VPS13B: variants seen among roughly 807,000 people sequenced by gnomAD.
The protein encoded by VPS13B is intermembrane lipid transfer protein VPS13B.
A neutral mutation model predicts 426.4 loss-of-function variants in VPS13B; 285 were observed. The ratio of observed to expected loss-of-function variants is 0.67; its 90% CI spans 0.61 to 0.74. The LOEUF (loss-of-function observed/expected upper bound fraction) is 0.74, where lower values mean the gene tolerates loss of function less well. Ranked by LOEUF, VPS13B falls within the 30% of genes least tolerant of loss-of-function variation. The pLI is 0.00. For synonymous variants in VPS13B, 1,676 were observed against 1,676.4 expected, an observed-to-expected ratio of 1.00 and a Z score of 0.01; for missense variants, 4,537 against 4,782.6, an observed-to-expected ratio of 0.95 and a Z score of 1.51.
intron 57 of VPS13B, 129 bp downstream of exon 57, chr8:99,859,609 A>G: frequency 8.0e-7 from 1 of 1,246,026 alleles, no homozygotes; most frequent in South Asian, 1.3e-5. Context: ...GCTTGCAGTG[A>G]GAGTTTGGGT....
chr8:99,201,889 A>G (rs1327724891), intron 17 of VPS13B, among the ~76,000 whole-genome samples: 1 of 152,190 alleles, frequency 6.6e-6, no homozygotes, highest in Non-Finnish European at 1.5e-5. Flanking sequence ...TATATGACTA[A>G]ATAAAGGTCA....
At chr8:99,078,329 T>A (rs1845250955) in intron 3 of VPS13B, among the ~76,000 whole-genome samples, 1 of 151,606 alleles carries the variant, frequency 6.6e-6, no homozygotes, top group Non-Finnish European at 1.5e-5. Context: ...ACTTTTTTTC[T>A]TATAGATGCA....
At chr8:99,744,867 GT>G (rs1158680956) in intron 39 of VPS13B, among the ~76,000 whole-genome samples, 1 of 151,914 alleles carries the variant, frequency 6.6e-6, no homozygotes, top group Non-Finnish European at 1.5e-5. Context: ...TACACCCAAT[GT>G]TAAATGACGA....
chr8:99,289,523 A>G (rs1414328436), intron 19 of VPS13B, among the ~76,000 whole-genome samples: 1 of 152,130 alleles, frequency 6.6e-6, no homozygotes, highest in Non-Finnish European at 1.5e-5. Flanking sequence ...TTTCCTTGAG[A>G]TAGCTGGATG....
intron 17 of VPS13B, among the ~76,000 whole-genome samples, chr8:99,241,876 T>C (rs1357808935): frequency 1.3e-5 from 2 of 152,200 alleles, no homozygotes; most frequent in African/African-American, 4.8e-5. Flanking sequence ...TAAACATAGA[T>C]TAGAGTGGAA....
intron 13 of VPS13B, among the ~76,000 whole-genome samples, chr8:99,146,403 C>T (rs1222112753): frequency 6.6e-6 from 1 of 152,118 alleles, no homozygotes; most frequent in South Asian, 2.1e-4. Context: ...TGTGGTATTT[C>T]CCACTGTCAG....
intron 39 of VPS13B, among the ~76,000 whole-genome samples, chr8:99,740,494 G>A (rs1588671583): frequency 6.6e-6 from 1 of 152,136 alleles, no homozygotes; most frequent in East Asian, 1.9e-4. Flanking sequence ...TACTCCTCGA[G>A]AAGAGCAACT....
At chr8:99,621,820 C>CTTTTTTTTTTTTTTT (rs749078781) in intron 33 of VPS13B, among the ~76,000 whole-genome samples, 2 of 83,256 alleles carry the variant, frequency 2.4e-5, no homozygotes, top group Non-Finnish European at 4.4e-5. Flanking sequence ...TGTTTTGTTT[C>CTTTTTTTTTTTTTTT]TTTTTTTTTT....
chr8:99,170,548 A>G (rs1812271613), intron 16 of VPS13B, among the ~76,000 whole-genome samples: 1 of 151,946 alleles, frequency 6.6e-6, no homozygotes, highest in Non-Finnish European at 1.5e-5. Flanking sequence ...ATAATTTCGT[A>G]TATATTCATA....
At chr8:99,871,934 C>A (rs182236861) in intron 61 of VPS13B, among the ~76,000 whole-genome samples, 4 of 152,362 alleles carry the variant, frequency 2.6e-5, no homozygotes, top group African/African-American at 9.6e-5. Context: ...CAGCAGGCGG[C>A]CAGCAGGACT....
chr8:99,803,637 C>CAAGA (rs1159847077), intron 43 of VPS13B, among the ~76,000 whole-genome samples: 11 of 152,122 alleles, frequency 7.2e-5, no homozygotes, highest in African/African-American at 1.2e-4. Flanking sequence ...AAGCATTAGT[C>CAAGA]ATTACCTAGA....
chr8:99,598,859 T>C (rs191714791), intron 33 of VPS13B, among the ~76,000 whole-genome samples: 5 of 151,958 alleles, frequency 3.3e-5, no homozygotes, highest in Non-Finnish European at 5.9e-5. Flanking sequence ...CCTGTTCTTA[T>C]GCTGTCTTTG....
chr8:99,833,217 G>T (rs1815181879), intron 52 of VPS13B, among the ~76,000 whole-genome samples: 1 of 149,402 alleles, frequency 6.7e-6, no homozygotes, highest in Non-Finnish European at 1.5e-5. Flanking sequence ...TACCAGTTAT[G>T]CAAATAACAA....
chr8:99,134,769 T>C lies in VPS13B; in HGVS notation c.1302+42T>C, dbSNP rs764574370. 1.8e-5 allele frequency: 27 copies of C among 1,482,738 alleles called. No individual in the cohort carries two copies. In the South Asian group the frequency reaches 3.2e-4, roughly 18 times the overall value. The allele number at this position is 1,482,738 out of a possible 1,614,324, so 91.8% of individuals were successfully genotyped here. On this transcript the variant is annotated intron_variant, in intron 9 of 61. Coordinates refer to ENST00000357162, the MANE Select transcript of VPS13B (RefSeq NM_152564.5). Reference sequence around the variant, plus strand: ...GAACCTGTATTTTTAAATATTTTGTTCTTTAATATTTTATAAATACCTGTT... The same window carrying C: ...GAACCTGTATTTTTAAATATTTTGTCCTTTAATATTTTATAAATACCTGTT...
chr8:99,018,522 A>G (rs913016769), intron 2 of VPS13B, among the ~76,000 whole-genome samples: 2 of 152,218 alleles, frequency 1.3e-5, no homozygotes, highest in African/African-American at 2.4e-5. Flanking sequence ...TGGATTGTCC[A>G]TGTTCAATCA....
intron 35 of VPS13B, among the ~76,000 whole-genome samples, chr8:99,664,247 C>T (rs553813033): frequency 3.5e-4 from 53 of 151,904 alleles, no homozygotes; most frequent in African/African-American, 6.3e-4. Context: ...CCACATGATC[C>T]GCCCACCTTG....
chr8:99,496,022 A>T (rs569303129), intron 25 of VPS13B, among the ~76,000 whole-genome samples: 23 of 152,226 alleles, frequency 1.5e-4, no homozygotes, highest in African/African-American at 5.5e-4. Context: ...TGGGGCATGG[A>T]TGTGCGTATA....
At position 99,294,662 on chromosome 8, in the gene VPS13B, C is replaced by T. The variant is rs1454482752; in HGVS notation, c.2824+19408C>T. Reference sequence around the variant, plus strand: ...TGTGTCTGTAACATTAAAGCTGTTACTCTGGAATTCTAATTCTGGATCTTA... The same window carrying T: ...TGTGTCTGTAACATTAAAGCTGTTATTCTGGAATTCTAATTCTGGATCTTA... On this transcript the variant is annotated intron_variant, in intron 19 of 61. Coordinates refer to ENST00000357162, the MANE Select transcript of VPS13B (RefSeq NM_152564.5). Among the ~76,000 whole-genome samples the T allele has an allele frequency of 2.0e-5, 3 of 152,130 alleles. No homozygotes were observed. The East Asian group carries it at 5.8e-4, about 29-fold the overall frequency.
intron 33 of VPS13B, among the ~76,000 whole-genome samples, chr8:99,608,055 A>G (rs890860120): frequency 6.6e-6 from 1 of 152,132 alleles, no homozygotes; most frequent in Non-Finnish European, 1.5e-5. Context: ...TGTAGTTAGA[A>G]GAGAGAGTAT....
Sources: allele counts gnomAD v4.1 joint callset (sites outside exome capture counted in the v4.1 genomes callset), GRCh38; gene constraint gnomAD v4.1.1; transcripts MANE v1.5; gene names NCBI Gene and HGNC (gene_info 2026-07-23, HGNC 2026-07-21).